The following TTC28 variants were observed in gnomAD, a reference collection of about 807,000 sequenced individuals.
The protein encoded by TTC28 is tetratricopeptide repeat domain 28.
TTC28 carries 61 observed loss-of-function variants against 198.0 expected under a neutral mutation model. The observed-to-expected ratio is 0.31, with a 90% CI of 0.25 to 0.38. TTC28 has a LOEUF of 0.38. Among genes scored for constraint, TTC28 ranks in the 10% least tolerant of loss-of-function variants. The pLI is 1.00. For missense variants in TTC28, 2,678 were observed against 3,164.0 expected, an observed-to-expected ratio of 0.85 and a Z score of 3.69; for synonymous variants, 1,171 against 1,297.8, an observed-to-expected ratio of 0.90 and a Z score of 2.10.
At chr22:28,364,315 T>C (rs2046209375) in intron 2 of TTC28, among the ~76,000 whole-genome samples, 1 of 152,226 alleles carries the variant, frequency 6.6e-6, no homozygotes, top group Non-Finnish European at 1.5e-5. Context: ...TTGCTCCTCC[T>C]TGCCTTCCAC....
At chr22:28,441,039 C>T (rs2047613247) in intron 2 of TTC28, among the ~76,000 whole-genome samples, 1 of 152,164 alleles carries the variant, frequency 6.6e-6, no homozygotes, top group Non-Finnish European at 1.5e-5. Context: ...ATAAATACAA[C>T]CTTCTGGTAT....
At chr22:28,541,722 T>G (rs1360323506) in intron 2 of TTC28, among the ~76,000 whole-genome samples, 6 of 151,778 alleles carry the variant, frequency 4.0e-5, no homozygotes, top group East Asian at 1.9e-4. Context: ...TATATATATA[T>G]AGAAGAAAGA....
At position 28,018,267 on chromosome 22, in the gene TTC28, GTGTGTGTGTGTA is replaced by G. The variant is rs1425352678; in HGVS notation, c.4074-3887_4074-3876del. 5.7e-5 allele frequency among the ~76,000 whole-genome samples: 8 copies of G among 140,054 alleles called. No individual in the cohort carries two copies. In the South Asian group the frequency reaches 1.9e-3, roughly 34 times the overall value. The allele number at this position is 140,054 out of a possible 152,430, so 91.9% of individuals were successfully genotyped here. On this transcript the variant is annotated intron_variant, in intron 13 of 22. Transcript: ENST00000397906. The stretch of plus-strand genomic sequence containing the variant: ...TCAGTGTGTGTGTGTGTGTGTGTGT[GTGTGTGTGTGTA>G]TGTGTGTGCGCGCGTGTGTGCGCGC...
chr22:28,546,491 T>C (rs746324993), intron 2 of TTC28, among the ~76,000 whole-genome samples: 14 of 152,088 alleles, frequency 9.2e-5, no homozygotes, highest in Admixed American at 2.0e-4. Context: ...ACACCATGTG[T>C]TGGAGAAGAT....
chr22:28,204,942 G>A (rs565930244), intron 5 of TTC28, among the ~76,000 whole-genome samples: 2 of 152,212 alleles, frequency 1.3e-5, no homozygotes, highest in South Asian at 2.1e-4. Flanking sequence ...TTGTCTTAAA[G>A]CTGGTTATTA....
At chr22:28,216,251 T>C (rs1236688149) in intron 5 of TTC28, among the ~76,000 whole-genome samples, 3 of 152,216 alleles carry the variant, frequency 2.0e-5, no homozygotes, top group East Asian at 3.8e-4. Context: ...GTAGCTATCA[T>C]AGCTGATTTG....
At position 28,163,183 on chromosome 22, in the gene TTC28, C is replaced by T; in HGVS notation, c.1350G>A (p.Leu450=). 2 of 1,551,734 alleles carry T rather than the reference C, an allele frequency of 1.3e-6. No individual in the cohort carries two copies. The highest frequency in any genetic ancestry group is 8.7e-7 in the Non-Finnish European group (1 of 1,147,008). ...GCTCATGGTATTGTTTAGCTCTCTCCAAATCCTGCATGCACCTGGCAGCAT... is the reference window on the plus strand; with the variant it reads ...GCTCATGGTATTGTTTAGCTCTCTCTAAATCCTGCATGCACCTGGCAGCAT... The part of the protein sequence containing the change: ...LGHAARCMQD[L]ERAKQYHEQQ... The change falls in exon 6 of 23, where the codon TTG becomes TTA. Residue 450 remains leucine (L), a synonymous_variant. Coordinates refer to ENST00000397906, the MANE Select transcript of TTC28 (RefSeq NM_001145418.2).
intron 1 of TTC28, among the ~76,000 whole-genome samples, chr22:28,649,956 C>T (rs2051539695): frequency 6.6e-6 from 1 of 152,072 alleles, no homozygotes; most frequent in Non-Finnish European, 1.5e-5. Flanking sequence ...TACTGTCACA[C>T]CTTCTTTTTT....
In TTC28 at chr22:28,653,853, A is replaced by G. The variant is rs867543298; in HGVS notation, c.103-24023T>C. On this transcript the variant is annotated intron_variant, in intron 1 of 22. Coordinates refer to ENST00000397906, the MANE Select transcript of TTC28 (RefSeq NM_001145418.2). ...ATTTGCACGGCCCCAGACTGTAAAC[A>G]TAAGAGAGTAGAAGAAATTATTTCC... is the stretch of plus-strand genomic sequence containing the variant. 2.6e-5 allele frequency among the ~76,000 whole-genome samples: 4 copies of G among 152,216 alleles called. No individual in the cohort carries two copies. The East Asian group carries it at 5.8e-4, about 22-fold the overall frequency.
chr22:27,985,382 C>T, intron 21 of TTC28, 26 bp from the exon 22 acceptor site: 1 of 1,520,282 alleles, frequency 6.6e-7, no homozygotes, highest in Non-Finnish European at 8.9e-7. Context: ...ATATAAGCAT[C>T]TGCTTCCTTC....
At chr22:27,989,199 C>G (rs1035343845) in intron 21 of TTC28, among the ~76,000 whole-genome samples, 1 of 151,730 alleles carries the variant, frequency 6.6e-6, no homozygotes, top group Non-Finnish European at 1.5e-5. Context: ...AAAGGGAAAT[C>G]GAGTGTCCTG....
In TTC28 at chr22:28,277,998, T is replaced by C. The variant is rs73882723; in HGVS notation, c.933+18200A>G. Among the ~76,000 whole-genome samples the C allele has an allele frequency of 8.8e-3, 1,342 of 152,230 alleles. 16 individuals are homozygous for C. Among genetic ancestry groups the C allele is most frequent in the African/African-American group, 0.031 (1,268 of 41,534 alleles). The stretch of plus-strand genomic sequence containing the variant: ...TTAGGAACAATACCACTCAAACTCC[T>C]CTCAGTCCCTGAATGATGCTGCAGT... On this transcript the variant is annotated intron_variant, in intron 5 of 22. Transcript: ENST00000397906.
At chr22:28,376,833 T>C (rs1293041986) in intron 2 of TTC28, among the ~76,000 whole-genome samples, 1 of 152,126 alleles carries the variant, frequency 6.6e-6, no homozygotes, top group Admixed American at 6.5e-5. Context: ...ACCTGACGTC[T>C]TCAGCTGAGA....
chr22:28,489,026 G>A (rs1312153988), intron 2 of TTC28, among the ~76,000 whole-genome samples: 1 of 152,112 alleles, frequency 6.6e-6, no homozygotes, highest in African/African-American at 2.4e-5. Context: ...GCTCATGCCT[G>A]TAATCCCAGC....
chr22:28,322,684 T>C (rs2045467042), intron 2 of TTC28, among the ~76,000 whole-genome samples: 1 of 152,212 alleles, frequency 6.6e-6, no homozygotes, highest in African/African-American at 2.4e-5. Context: ...CCTAGGCACA[T>C]TAGTTATATT....
At chr22:28,262,108 C>T (rs1931362312) in intron 5 of TTC28, among the ~76,000 whole-genome samples, 1 of 152,022 alleles carries the variant, frequency 6.6e-6, no homozygotes, top group African/African-American at 2.4e-5. Flanking sequence ...TCTCCAGTGA[C>T]ATAATAACAA....
intron 5 of TTC28, chr22:28,232,851 G>T (rs1405222550): frequency 6.6e-6 from 1 of 151,872 alleles, no homozygotes; most frequent in Admixed American, 6.6e-5. Context: ...CTGTAATCCC[G>T]GCACTTTGGG....
intron 5 of TTC28, among the ~76,000 whole-genome samples, chr22:28,248,488 T>C (rs753865465): frequency 2.0e-5 from 3 of 152,172 alleles, no homozygotes; most frequent in Non-Finnish European, 4.4e-5. Context: ...ATTGTGAAGA[T>C]AACCAATATG....
chr22:28,452,482 C>T (rs531394140), intron 2 of TTC28, among the ~76,000 whole-genome samples: 265 of 149,960 alleles, frequency 1.8e-3, no homozygotes, highest in African/African-American at 6.2e-3. Flanking sequence ...TCTTAATCCT[C>T]GAGGAGAAAA....
Sources: gnomAD v4.1 joint callset for allele counts (sites outside exome capture counted in the v4.1 genomes callset) on GRCh38, gnomAD v4.1.1 for gene constraint, MANE v1.5 for transcripts, NCBI Gene and HGNC (gene_info 2026-07-23, HGNC 2026-07-21) for gene names.